Variants in CSNK1A1 observed in about 807,000 individuals in gnomAD.
CSNK1A1 encodes the protein casein kinase 1 alpha 1.
CSNK1A1 carries 7 observed loss-of-function variants against 46.1 expected under a neutral mutation model. The ratio of observed to expected loss-of-function variants is 0.15; its 90% CI spans 0.09 to 0.29. The LOEUF (loss-of-function observed/expected upper bound fraction) is 0.29. CSNK1A1 is among the 10% of genes least tolerant of loss of function. The probability of loss-of-function intolerance (pLI) is 1.00; values close to 1 mark genes in which losing one functional copy is unlikely to be tolerated. For missense variants in CSNK1A1, 96 were observed against 417.1 expected, an observed-to-expected ratio of 0.23 and a Z score of 6.71; for synonymous variants, 137 against 141.5, an observed-to-expected ratio of 0.97 and a Z score of 0.23.
chr5:149,534,796 T>C (rs1253827766), intron 2 of CSNK1A1, among the ~76,000 whole-genome samples: 1 of 150,626 alleles, frequency 6.6e-6, no homozygotes, highest in Non-Finnish European at 1.5e-5. Flanking sequence ...CCAGGCGTGG[T>C]GGCATGCGCC....
chr5:149,544,907 G>A (rs1561774375), intron 2 of CSNK1A1, among the ~76,000 whole-genome samples: 2 of 151,254 alleles, frequency 1.3e-5, no homozygotes, highest in East Asian at 3.9e-4. Context: ...GGGCCGAGGT[G>A]GGTGGATCAT....
intron 4 of CSNK1A1, 77 bp from the exon 5 acceptor site, chr5:149,513,286 C>A (rs1761287432): frequency 7.7e-7 from 1 of 1,303,946 alleles, no homozygotes; most frequent in Non-Finnish European, 1.1e-6. Context: ...TAAATGGTAT[C>A]TATTCTATGC....
chr5:149,505,639 G>GTAGGTTATATAA, intron 8 of CSNK1A1, 44 bp from the exon 9 acceptor site: 1 of 1,528,110 alleles, frequency 6.5e-7, no homozygotes, highest in Non-Finnish European at 9.0e-7. Context: ...TAATAACAGA[G>GTAGGTTATATAA]TCCAGTTATA....
Position 149,550,411 on chromosome 5 carries a change from C to G in CSNK1A1, c.124-230G>C. The G allele has an allele frequency of 7.8e-7, 1 of 1,290,280 alleles. No individual in the cohort carries two copies. Among genetic ancestry groups the G allele is most frequent in the Non-Finnish European group, 9.9e-7 (1 of 1,008,948 alleles). The allele number at this position is 1,290,280 out of a possible 1,614,324, so 79.9% of individuals were successfully genotyped here. A position where few individuals can be genotyped will look rare whatever the true frequency, so the allele number is the denominator to read the frequency against. On this transcript the variant is annotated intron_variant, in intron 1 of 9. Coordinates refer to ENST00000377843, the MANE Select transcript of CSNK1A1 (RefSeq NM_001892.6). The surrounding 1 kb of genome is among the most constrained non-coding windows in gnomAD (Gnocchi z 4.3). The stretch of plus-strand genomic sequence containing the variant: ...CTAAAGTGCAGGAAAATGATTCATC[C>G]AGAAAAAAGAGGCAACCTCTGAACG...
intron 3 of CSNK1A1, 131 bp downstream of exon 3, chr5:149,524,911 CATT>C (rs905808245): frequency 2.6e-5 from 19 of 744,192 alleles, no homozygotes; most frequent in Middle Eastern, 4.1e-4. Flanking sequence ...CTACAAGTCA[CATT>C]ATTATTTTTT....
At chr5:149,513,851 G>A (rs1376328225) in intron 4 of CSNK1A1, among the ~76,000 whole-genome samples, 1 of 150,724 alleles carries the variant, frequency 6.6e-6, no homozygotes, top group Non-Finnish European at 1.5e-5. Flanking sequence ...AGTGAGCCAA[G>A]ACCGCGTCAC....
intron 2 of CSNK1A1, among the ~76,000 whole-genome samples, chr5:149,538,460 C>G (rs1426930372): frequency 6.6e-6 from 1 of 152,168 alleles, no homozygotes; most frequent in Non-Finnish European, 1.5e-5. Context: ...CTCAAACTAT[C>G]AGAGCTCTCG....
chr5:149,501,350 G>T, intron 9 of CSNK1A1: 1 of 985,440 alleles, frequency 1.0e-6, no homozygotes, highest in South Asian at 4.7e-5. Context: ...ATTCAGAGCA[G>T]TGTGTTCAGA....
At chr5:149,504,272 C>A (rs1368696890) in intron 9 of CSNK1A1, 1 of 985,298 alleles carries the variant, frequency 1.0e-6, no homozygotes, top group Non-Finnish European at 1.2e-6. Context: ...AACTTCATTC[C>A]TAACAGATGA....
At chr5:149,512,367 C>T (rs962288713) in intron 5 of CSNK1A1, among the ~76,000 whole-genome samples, 1 of 151,994 alleles carries the variant, frequency 6.6e-6, no homozygotes, top group African/African-American at 2.4e-5. Flanking sequence ...GAAAAAGTGA[C>T]ATTACAGTTT....
intron 9 of CSNK1A1, chr5:149,503,846 T>C (rs1561751848): frequency 1.0e-6 from 1 of 985,304 alleles, no homozygotes. Context: ...TCAGAAGAGA[T>C]TTCAATCTAA....
intron 2 of CSNK1A1, among the ~76,000 whole-genome samples, chr5:149,544,175 C>A (rs767411986): frequency 1.8e-4 from 27 of 152,128 alleles, no homozygotes; most frequent in Non-Finnish European, 3.5e-4. Flanking sequence ...GGGTAGGCAG[C>A]CCTAAATCTT....
intron 2 of CSNK1A1, among the ~76,000 whole-genome samples, chr5:149,542,535 G>A (rs1376688979): frequency 2.5e-5 from 3 of 121,004 alleles, no homozygotes; most frequent in Admixed American, 1.9e-4. Flanking sequence ...TAAAGCCAAG[G>A]AATAACCCAC....
chr5:149,503,262 T>C (rs1760928161), intron 9 of CSNK1A1: 11 of 985,354 alleles, frequency 1.1e-5, no homozygotes, highest in African/African-American at 1.7e-5. Context: ...CTCATGCTTA[T>C]TTCATGCCTA....
intron 9 of CSNK1A1, chr5:149,505,028 C>G: frequency 6.1e-6 from 6 of 986,528 alleles, no homozygotes; most frequent in Non-Finnish European, 7.2e-6. Context: ...CATTGTTAGT[C>G]TGAAATAAAG....
chr5:149,498,187 CAAAA>C, intron 9 of CSNK1A1: 1 of 984,906 alleles, frequency 1.0e-6, no homozygotes, highest in South Asian at 4.7e-5. Flanking sequence ...GTGGGAGAAA[CAAAA>C]TAATTCTAAT....
rs555686596 is a variant in CSNK1A1 at position 149,550,785 on chromosome 5, G to A, written c.123+57C>T. 1.2e-4 allele frequency: 200 copies of A among 1,610,910 alleles called. 2 individuals are homozygous for A. The South Asian group carries it at 2.0e-3, about 16-fold the overall frequency. ...GAGCACTTTGGGGGTGCACGGTGGT[G>A]GTGGGGGGAATGAGTAAAAGCGCAG... On this transcript the variant is annotated intron_variant, in intron 1 of 9. Transcript: ENST00000377843. This position sits in a 1 kb window ranked among gnomAD's most constrained non-coding sequence, Gnocchi z 4.3.
At position 149,495,909 on chromosome 5, in the gene CSNK1A1, A is replaced by C. The variant is rs1352571884; in HGVS notation, c.*944T>G. 6.6e-6 allele frequency: 1 copy of C among 152,630 alleles called. No individual in the cohort carries two copies. Among genetic ancestry groups the C allele is most frequent in the Non-Finnish European group, 1.5e-5 (1 of 68,036 alleles). 9.5% of individuals were successfully genotyped at this position (152,630 alleles called of 1,614,324 possible). A position where few individuals can be genotyped will look rare whatever the true frequency, so the allele number is the denominator to read the frequency against. On this transcript the variant is annotated 3_prime_UTR_variant, in exon 10 of 10. Transcript: ENST00000377843. ...AACAAATGGCTTGAAGTAGTCTATC[A>C]AAAAATTGGGGAGATTTTTATTTAA...
At position 149,547,898 on chromosome 5, in the gene CSNK1A1, G is replaced by A. The variant is rs907202014; in HGVS notation, c.230+2177C>T. ...TTTTTTTGTGTTTTTTTGAGATGGCGTCTCGCTCTGTCACCAGGCTGGAGT... is the reference window on the plus strand; with the variant it reads ...TTTTTTTGTGTTTTTTTGAGATGGCATCTCGCTCTGTCACCAGGCTGGAGT... On this transcript the variant is annotated intron_variant, in intron 2 of 9. Coordinates refer to ENST00000377843, the MANE Select transcript of CSNK1A1 (RefSeq NM_001892.6). 3.3e-5 allele frequency among the ~76,000 whole-genome samples: 5 copies of A among 151,116 alleles called. No individual in the cohort carries two copies. The East Asian group carries it at 5.8e-4, about 18-fold the overall frequency.
Sources: gnomAD v4.1 joint callset for allele counts (sites outside exome capture counted in the v4.1 genomes callset) on GRCh38, gnomAD v4.1.1 for gene constraint, Gnocchi (gnomAD v3.1) non-coding constraint, MANE v1.5 for transcripts, NCBI Gene and HGNC (gene_info 2026-07-23, HGNC 2026-07-21) for gene names.